LATS2: variants seen among roughly 807,000 people sequenced by gnomAD.
The protein encoded by LATS2 is serine/threonine-protein kinase LATS2.
LATS2 carries 24 observed loss-of-function variants against 76.0 expected under a neutral mutation model. The observed-to-expected ratio is 0.32, with a 90% CI of 0.23 to 0.44. The LOEUF is 0.44. Among genes scored for constraint, LATS2 ranks in the 20% least tolerant of loss-of-function variants. The probability of loss-of-function intolerance (pLI) is 1.00; values close to 1 mark genes in which losing one functional copy is unlikely to be tolerated. For synonymous variants in LATS2, 692 were observed against 635.4 expected (o/e 1.09, Z -1.34); for missense variants, 1,286 against 1,481.2 (o/e 0.87, Z 2.16).
At chr13:21,001,308 A>G (rs1029843787) in intron 2 of LATS2, among the ~76,000 whole-genome samples, 2 of 152,180 alleles carry the variant, frequency 1.3e-5, no homozygotes, top group Admixed American at 6.5e-5. Flanking sequence ...CCTGGATCCT[A>G]TATTTCTATT....
chr13:21,023,646 TAAAAAAAAAAAAA>T (rs1169391710), intron 2 of LATS2, among the ~76,000 whole-genome samples: 1 of 70,052 alleles, frequency 1.4e-5, no homozygotes, highest in African/African-American at 7.5e-5. Flanking sequence ...TGACTGGCTT[TAAAAAAAAAAAAA>T]AAAAAAAAAA....
At chr13:21,037,023 G>C (rs963007444) in intron 2 of LATS2, among the ~76,000 whole-genome samples, 2 of 152,176 alleles carry the variant, frequency 1.3e-5, no homozygotes, top group Non-Finnish European at 2.9e-5. Flanking sequence ...TCCATAAGAA[G>C]GTGTGTAGAA....
Position 20,983,909 on chromosome 13 carries a change from A to AT in LATS2, c.1900-104dup, listed in dbSNP as rs1435313086. 149 of 847,946 alleles carry AT rather than the reference A, an allele frequency of 1.8e-4. 2 individuals are homozygous for AT. The South Asian group carries it at 2.4e-3, about 13-fold the overall frequency. 52.5% of individuals were successfully genotyped at this position (847,946 alleles called of 1,614,324 possible). A position where few individuals can be genotyped will look rare whatever the true frequency, so the allele number is the denominator to read the frequency against. On this transcript the variant is annotated intron_variant, in intron 4 of 7. Coordinates refer to ENST00000382592, the MANE Select transcript of LATS2 (RefSeq NM_014572.3). ...CCTGGAACTGAGAGGAACCTAGCTC[A>AT]TTTTACAGAAAGGAGAACAGAGAAG...
At chr13:21,044,814 A>G (rs1159452621) in intron 2 of LATS2, among the ~76,000 whole-genome samples, 1 of 151,848 alleles carries the variant, frequency 6.6e-6, no homozygotes, top group Non-Finnish European at 1.5e-5. Flanking sequence ...CTGCAGCCAC[A>G]AACTCCTAGG....
At chr13:21,053,069 C>T (rs1382666509) in intron 1 of LATS2, among the ~76,000 whole-genome samples, 3 of 151,670 alleles carry the variant, frequency 2.0e-5, no homozygotes, top group Admixed American at 1.3e-4. Context: ...ACCCTGTGTC[C>T]ACCAAATATA....
intron 2 of LATS2, among the ~76,000 whole-genome samples, chr13:21,010,589 G>C (rs1349682847): frequency 6.6e-6 from 1 of 152,148 alleles, no homozygotes; most frequent in Non-Finnish European, 1.5e-5. Context: ...AATTACATCA[G>C]TAAAAAAAGC....
intron 2 of LATS2, among the ~76,000 whole-genome samples, chr13:21,039,744 A>G (rs1872802431): frequency 6.6e-6 from 1 of 152,206 alleles, no homozygotes; most frequent in Non-Finnish European, 1.5e-5. Context: ...CTGCCAACAC[A>G]ATGCCCAATG....
At position 20,988,243 on chromosome 13, in the gene LATS2, A is replaced by G. The variant is rs776206124; in HGVS notation, c.1537T>C (p.Cys513Arg). 1 of 1,602,120 alleles carries G rather than the reference A, an allele frequency of 6.2e-7. No homozygotes were observed. The highest frequency in any genetic ancestry group is 1.3e-5 in the African/African-American group (1 of 74,832). The change falls in exon 4 of 8, where the codon TGC becomes CGC. Residue 513 changes from cysteine (C) to arginine (R), a missense_variant. Physicochemically the swap from Cys to Arg is radical, Grantham distance 180. This residue lies in a region of LATS2 where 710 missense variants were observed against 660.9 expected (regional missense o/e 1.07). Coordinates refer to ENST00000382592, the MANE Select transcript of LATS2 (RefSeq NM_014572.3). ...TGCTTCGGGTAGGGCGGAGGCGGGC[A>G]CCTCCGGTCTGGGCCTCCGTACTCC... ...DVEYGGPDRRCPPPPYPKHLL... is the reference protein window; with the variant it reads ...DVEYGGPDRRRPPPPYPKHLL...
chr13:21,024,948 C>T (rs1405373628), intron 2 of LATS2, among the ~76,000 whole-genome samples: 1 of 152,174 alleles, frequency 6.6e-6, no homozygotes, highest in Non-Finnish European at 1.5e-5. Context: ...GAGACACGCA[C>T]ATTTATGTAC....
intron 7 of LATS2, among the ~76,000 whole-genome samples, chr13:20,979,333 T>C (rs530695283): frequency 1.3e-5 from 2 of 152,202 alleles, no homozygotes; most frequent in East Asian, 3.9e-4. Flanking sequence ...CTATAGTTCC[T>C]GGAGTTCCGT....
intron 2 of LATS2, among the ~76,000 whole-genome samples, chr13:21,015,014 C>T (rs995223396): frequency 2.6e-5 from 4 of 152,216 alleles, no homozygotes; most frequent in African/African-American, 9.6e-5. Context: ...ACCGCCGTAT[C>T]CCTGGGGTCC....
Position 20,988,530 on chromosome 13 carries a change from C to T in LATS2, c.1250G>A (p.Gly417Asp), listed in dbSNP as rs761443465. The change falls in exon 4 of 8, where the codon GGT (glycine) becomes GAT (aspartate). Residue 417 changes from glycine (G) to aspartate (D), a missense_variant. By Grantham distance (94) the Gly-to-Asp change is moderately conservative. Around this residue, in one of 5 missense-constraint regions of LATS2, gnomAD observed 710 missense variants for 660.9 expected, o/e 1.07. Coordinates refer to ENST00000382592, the MANE Select transcript of LATS2 (RefSeq NM_014572.3). ...NSFNSHQPRP[G>D]PPGKAEPSLP... is the part of the protein sequence containing the mutation. ...GGAGGGCTCGGCCTTGCCAGGCGGA[C>T]CGGGCCGCGGCTGGTGGCTGTTGAA... The T allele has an allele frequency of 1.9e-6, 3 of 1,570,102 alleles. No homozygotes were observed. Among genetic ancestry groups the T allele is most frequent in the South Asian group, 1.1e-5 (1 of 87,204 alleles).
intron 4 of LATS2, among the ~76,000 whole-genome samples, chr13:20,984,592 A>G (rs1472960161): frequency 6.6e-6 from 1 of 152,162 alleles, no homozygotes; most frequent in Non-Finnish European, 1.5e-5. Context: ...AACAGCTATA[A>G]AAAAAATCTA....
At chr13:21,012,191 TATC>T (rs1293722165) in intron 2 of LATS2, among the ~76,000 whole-genome samples, 1 of 151,076 alleles carries the variant, frequency 6.6e-6, no homozygotes, top group Non-Finnish European at 1.5e-5. Flanking sequence ...AATGTAAAAA[TATC>T]ATATAAAAGA....
At chr13:21,055,335 T>TAAATCTAA (rs1351053982) in intron 1 of LATS2, among the ~76,000 whole-genome samples, 1 of 152,146 alleles carries the variant, frequency 6.6e-6, no homozygotes, top group Non-Finnish European at 1.5e-5. Flanking sequence ...TCAAGCAAAG[T>TAAATCTAA]AAATCTAACT....
chr13:21,007,760 A>ATT lies in LATS2; in HGVS notation c.343-16358_343-16357dup, dbSNP rs1202476922. 4.2e-3 allele frequency among the ~76,000 whole-genome samples: 19 copies of ATT among 4,566 alleles called. 2 individuals are homozygous for ATT. The highest frequency in any genetic ancestry group is 7.5e-3 in the African/African-American group (7 of 934). 3.0% of individuals were successfully genotyped at this position (4,566 alleles called of 152,430 possible). The stretch of plus-strand genomic sequence containing the variant: ...AGTATATATATATATATATATATAT[A>ATT]TTTTTTTTTTTTTTTTGAGATGGAG... On this transcript the variant is annotated intron_variant, in intron 2 of 7. Coordinates refer to ENST00000382592, the MANE Select transcript of LATS2 (RefSeq NM_014572.3).
intron 2 of LATS2, among the ~76,000 whole-genome samples, chr13:21,003,397 G>A (rs143531605): frequency 2.3e-3 from 348 of 151,710 alleles, no homozygotes; most frequent in African/African-American, 7.9e-3. Context: ...GGGACTACAG[G>A]TGCGCCACCA....
At chr13:21,028,035 T>A (rs1056608319) in intron 2 of LATS2, among the ~76,000 whole-genome samples, 2 of 152,144 alleles carry the variant, frequency 1.3e-5, no homozygotes, top group Non-Finnish European at 2.9e-5. Flanking sequence ...ACCCATTAAC[T>A]CGTCATTTAG....
At chr13:21,020,645 C>T (rs1198777406) in intron 2 of LATS2, among the ~76,000 whole-genome samples, 1 of 152,226 alleles carries the variant, frequency 6.6e-6, no homozygotes, top group African/African-American at 2.4e-5. Context: ...TTCCTGCCAT[C>T]CATCAAACAG....
Sources: gnomAD v4.1 joint callset for allele counts (sites outside exome capture counted in the v4.1 genomes callset) on GRCh38, gnomAD v4.1.1 for gene constraint, gnomAD v4.1.1 regional missense constraint, MANE v1.5 for transcripts, NCBI Gene and HGNC (gene_info 2026-07-23, HGNC 2026-07-21) for gene names.